The following ZNF536 variants were observed in gnomAD, a reference collection of about 807,000 sequenced individuals.
ZNF536 encodes zinc finger protein 536.
Under a neutral mutation model 84.5 loss-of-function variants are expected in ZNF536, and 13 were observed. That is an observed-to-expected ratio of 0.15 (90% confidence interval 0.10 to 0.24). The LOEUF (loss-of-function observed/expected upper bound fraction) is 0.24, where lower values mean the gene tolerates loss of function less well. ZNF536 is among the 10% of genes least tolerant of loss of function. The pLI is 1.00. For missense variants in ZNF536, 1,536 were observed against 1,747.5 expected, an observed-to-expected ratio of 0.88 and a Z score of 2.16; for synonymous variants, 811 against 742.5, an observed-to-expected ratio of 1.09 and a Z score of -1.50.
intron 2 of ZNF536, among the ~76,000 whole-genome samples, chr19:30,333,961 C>A (rs1393456180): frequency 6.6e-6 from 1 of 152,098 alleles, no homozygotes; most frequent in African/African-American, 2.4e-5. Flanking sequence ...TGCTATGAAT[C>A]CTTAATGAGG....
chr19:30,466,584 A>AAGAGAG (rs372587955), intron 2 of ZNF536, among the ~76,000 whole-genome samples: 6,028 of 144,426 alleles, frequency 0.042, 389 homozygotes, highest in African/African-American at 0.13. Context: ...GAAAGAAAGA[A>AAGAGAG]AGAGAGAGAG....
rs565574088 is a variant in ZNF536 at position 30,651,057 on chromosome 19, A to C, written c.170-59700A>C. On this transcript the variant is annotated intron_variant, in intron 1 of 1. Transcript: ENST00000592773. ...AACTCAGAGCTTTAAATTCTCCAAA[A>C]GACATCTGTTTGCTGAGAAAGCCTC... Among the ~76,000 whole-genome samples, 59 of 152,334 alleles carry C rather than the reference A, an allele frequency of 3.9e-4. 2 individuals carry two copies. In the South Asian group the frequency reaches 0.012, roughly 31 times the overall value.
chr19:30,432,820 A>G (rs2051537024), intron 1 of ZNF536, among the ~76,000 whole-genome samples: 1 of 152,126 alleles, frequency 6.6e-6, no homozygotes, highest in Non-Finnish European at 1.5e-5. Flanking sequence ...AGTTTTCTGG[A>G]GACAAGACTG....
chr19:30,646,609 G>T (rs1292176494), intron 1 of ZNF536, among the ~76,000 whole-genome samples: 1 of 152,186 alleles, frequency 6.6e-6, no homozygotes, highest in Non-Finnish European at 1.5e-5. Context: ...CAGTGCTTTA[G>T]CTCCTTCTAG....
At chr19:30,418,483 T>G (rs1345960370) in intron 1 of ZNF536, among the ~76,000 whole-genome samples, 1 of 152,236 alleles carries the variant, frequency 6.6e-6, no homozygotes, top group Non-Finnish European at 1.5e-5. Context: ...CTTCTAGGGT[T>G]TTTTGTAAAA....
At chr19:30,538,143 CCT>C (rs2145992261) in intron 3 of ZNF536, among the ~76,000 whole-genome samples, 2 of 152,312 alleles carry the variant, frequency 1.3e-5, no homozygotes, top group African/African-American at 4.8e-5. Context: ...GCCCTGACTG[CCT>C]CTCTTTTGGC....
chr19:30,548,662 C>T lies in ZNF536; in HGVS notation c.3043C>T (p.Leu1015Phe), dbSNP rs1267303746. 1 of 1,614,048 alleles carries T rather than the reference C, an allele frequency of 6.2e-7. No individual in the cohort carries two copies. Among genetic ancestry groups the T allele is most frequent in the Non-Finnish European group, 8.5e-7 (1 of 1,180,026 alleles). ...FCAFTTSSME[L>F]MALHLQANHL... is the part of the protein sequence containing the mutation. The stretch of plus-strand genomic sequence containing the variant: ...TGCTTTCACAACGTCCTCCATGGAG[C>T]TCATGGCCCTTCATCTCCAGGCCAA... The change falls in exon 4 of 5, where the codon CTC (leucine) becomes TTC (phenylalanine). Residue 1015 changes from leucine to phenylalanine, a missense_variant. Physicochemically the swap from Leu to Phe is conservative, Grantham distance 22 (BLOSUM62 0). Transcript: ENST00000355537.
At chr19:30,630,379 C>A (rs1056045281) in intron 1 of ZNF536, among the ~76,000 whole-genome samples, 2 of 150,734 alleles carry the variant, frequency 1.3e-5, no homozygotes, top group Non-Finnish European at 2.9e-5. Flanking sequence ...CAACCCAATC[C>A]TCATTCTCCA....
chr19:30,467,468 T>C (rs1022914659), intron 2 of ZNF536, among the ~76,000 whole-genome samples: 1 of 152,236 alleles, frequency 6.6e-6, no homozygotes, highest in Non-Finnish European at 1.5e-5. Flanking sequence ...TACGGCTGTA[T>C]AGTATTCTAT....
chr19:30,510,148 A>G (rs2055350371), intron 2 of ZNF536, among the ~76,000 whole-genome samples: 1 of 152,200 alleles, frequency 6.6e-6, no homozygotes. Flanking sequence ...TTTTGCCCAC[A>G]TATACACTAA....
chr19:30,640,754 C>T (rs2049239841), intron 1 of ZNF536, among the ~76,000 whole-genome samples: 1 of 152,368 alleles, frequency 6.6e-6, no homozygotes, highest in East Asian at 1.9e-4. Flanking sequence ...TACAGTTTCA[C>T]AGAGATCAGA....
At chr19:30,232,975 C>CA (rs1411538266) in intron 1 of ZNF536, among the ~76,000 whole-genome samples, 2 of 152,334 alleles carry the variant, frequency 1.3e-5, no homozygotes, top group Admixed American at 6.5e-5. Flanking sequence ...TGGGCCTCTT[C>CA]AGGGGGGTGG....
intron 2 of ZNF536, among the ~76,000 whole-genome samples, chr19:30,479,893 C>T (rs2054003211): frequency 6.6e-6 from 1 of 152,192 alleles, no homozygotes; most frequent in African/African-American, 2.4e-5. Flanking sequence ...AAATGCCCTG[C>T]TGAGATGCAG....
rs142034103 is a variant in ZNF536, at chr19:30,475,132, G to A, written c.2170+29400G>A. ...GTCTTGCTCTGTCACCCAGGCTGGA[G>A]TGCAGTGGCACAATCTCAGCTCACT... On this transcript the variant is annotated intron_variant, in intron 2 of 4. Coordinates refer to ENST00000355537, the MANE Select transcript of ZNF536 (RefSeq NM_014717.3). 6.9e-3 allele frequency among the ~76,000 whole-genome samples: 1,052 copies of A among 152,302 alleles called. 15 individuals carry two copies. The highest frequency in any genetic ancestry group is 0.024 in the African/African-American group (985 of 41,560).
At chr19:30,461,938 C>T (rs939643921) in intron 2 of ZNF536, among the ~76,000 whole-genome samples, 1 of 152,176 alleles carries the variant, frequency 6.6e-6, no homozygotes, top group Non-Finnish European at 1.5e-5. Context: ...CACCCCCACC[C>T]CTTCTCCAGA....
intron 2 of ZNF536, among the ~76,000 whole-genome samples, chr19:30,520,658 A>G (rs1343204557): frequency 1.3e-5 from 2 of 152,058 alleles, no homozygotes; most frequent in Non-Finnish European, 2.9e-5. Context: ...CTTGTTGATC[A>G]TGCAGGGGGA....
chr19:30,373,876 C>T (rs1396168969), intron 1 of ZNF536, among the ~76,000 whole-genome samples: 1 of 152,174 alleles, frequency 6.6e-6, no homozygotes, highest in African/African-American at 2.4e-5. Flanking sequence ...CAGTGGGAGC[C>T]GGGGCCAAGG....
At chr19:30,379,617 AG>A (rs1385085364) in intron 1 of ZNF536, among the ~76,000 whole-genome samples, 12 of 147,352 alleles carry the variant, frequency 8.1e-5, no homozygotes, top group African/African-American at 3.0e-4. Context: ...GTGGGGCTTG[AG>A]GGTAGACAAG....
At chr19:30,294,985 T>A (rs2045953884) in intron 2 of ZNF536, among the ~76,000 whole-genome samples, 1 of 152,188 alleles carries the variant, frequency 6.6e-6, no homozygotes, top group African/African-American at 2.4e-5. Context: ...AGCTGCAGGC[T>A]GCTACCTGAA....
Sources: allele counts gnomAD v4.1 joint callset (sites outside exome capture counted in the v4.1 genomes callset), GRCh38; gene constraint gnomAD v4.1.1; transcripts MANE v1.5; gene names NCBI Gene and HGNC (gene_info 2026-07-23, HGNC 2026-07-21).